TYW1B: variants seen among roughly 807,000 people sequenced by gnomAD.
The protein encoded by TYW1B is tRNA-yW synthesizing protein 1 homolog B, also known as S-adenosyl-L-methionine-dependent tRNA 4-demethylwyosine synthase TYW1B.
TYW1B carries 73 observed loss-of-function variants against 86.9 expected under a neutral mutation model. That is an observed-to-expected ratio of 0.84 (90% confidence interval 0.70 to 1.02). The LOEUF (loss-of-function observed/expected upper bound fraction) is 1.02, where lower values mean the gene tolerates loss of function less well. Ranked by LOEUF, TYW1B falls within the 50% of genes least tolerant of loss-of-function variation. TYW1B has a pLI of 0.00. For missense variants in TYW1B, 637 were observed against 827.4 expected, an observed-to-expected ratio of 0.77 and a Z score of 2.82; for synonymous variants, 248 against 292.8, an observed-to-expected ratio of 0.85 and a Z score of 1.56.
rs782485661 is a variant in TYW1B, at chr7:72,575,607, A to G, written c.1898T>C (p.Met633Thr). 6.2e-6 allele frequency: 10 copies of G among 1,613,776 alleles called. No homozygotes were observed. The highest frequency in any genetic ancestry group is 8.5e-6 in the Non-Finnish European group (10 of 1,179,858). ...GSKTFSAKDY[M>T]ARTPHWALFG... Reference sequence around the variant, plus strand: ...TAATGCCCAGTGAGGAGTTCTGGCCATATAATCCTTTGCGCTGAACGTTTT... The same window carrying G: ...TAATGCCCAGTGAGGAGTTCTGGCCGTATAATCCTTTGCGCTGAACGTTTT... Residue 633 changes from methionine (M) to threonine (T), a missense_variant, in exon 14 of 14, where the codon ATG becomes ACG. Physicochemically the swap from Met to Thr is moderately conservative, Grantham distance 81. Coordinates refer to ENST00000620995, the MANE Select transcript of TYW1B (RefSeq NM_001145440.3).
intron 9 of TYW1B, among the ~76,000 whole-genome samples, chr7:72,718,754 C>T (rs1159035582): frequency 6.6e-6 from 1 of 152,140 alleles, no homozygotes; most frequent in Non-Finnish European, 1.5e-5. Flanking sequence ...ATAACATTTG[C>T]TTTTCAAAAA....
At chr7:72,806,020 G>A (rs549848596) in intron 5 of TYW1B, among the ~76,000 whole-genome samples, 5 of 152,134 alleles carry the variant, frequency 3.3e-5, no homozygotes, top group African/African-American at 9.6e-5. Context: ...GGGAAAAAGC[G>A]GAATCTAGGA....
At chr7:72,772,507 A>AG (rs1787885581) in intron 7 of TYW1B, among the ~76,000 whole-genome samples, 2 of 152,208 alleles carry the variant, frequency 1.3e-5, no homozygotes, top group African/African-American at 4.8e-5. Flanking sequence ...GAAAAATCCA[A>AG]TTCTAGGAAC....
At chr7:72,665,656 G>A (rs1479438716) in intron 11 of TYW1B, among the ~76,000 whole-genome samples, 2 of 152,182 alleles carry the variant, frequency 1.3e-5, no homozygotes, top group African/African-American at 4.8e-5. Context: ...GTTGCGCTTT[G>A]TTTACACTTT....
Position 72,574,980 on chromosome 7 carries a change from T to C in TYW1B, c.*518A>G. The C allele has an allele frequency of 1.0e-6, 1 of 988,166 alleles. No individual in the cohort carries two copies. Among genetic ancestry groups the C allele is most frequent in the Non-Finnish European group, 1.2e-6 (1 of 831,662 alleles). 61.2% of individuals were successfully genotyped at this position (988,166 alleles called of 1,614,324 possible). ...GTATTTAAAAAATAATTGAGAGTTG[T>C]GACAACTTCGATTCTTTTCAGGAGG... On this transcript the variant is annotated 3_prime_UTR_variant, in exon 14 of 14. Coordinates refer to ENST00000620995, the MANE Select transcript of TYW1B (RefSeq NM_001145440.3).
At chr7:72,647,975 A>G (rs1585874210) in intron 11 of TYW1B, among the ~76,000 whole-genome samples, 2 of 152,210 alleles carry the variant, frequency 1.3e-5, no homozygotes, top group East Asian at 3.9e-4. Context: ...CCTTAGCTAC[A>G]ACACCTGGCT....
At chr7:72,642,576 T>C (rs2129569047) in intron 11 of TYW1B, among the ~76,000 whole-genome samples, 1 of 152,266 alleles carries the variant, frequency 6.6e-6, no homozygotes, top group East Asian at 1.9e-4. Flanking sequence ...ATATAGTACA[T>C]ATCCATCCAA....
At chr7:72,813,524 G>A (rs1212045665) in intron 3 of TYW1B, among the ~76,000 whole-genome samples, 1 of 152,176 alleles carries the variant, frequency 6.6e-6, no homozygotes, top group Non-Finnish European at 1.5e-5. Context: ...CAGGAGCATT[G>A]TTTAAGCTCT....
At chr7:72,704,699 G>A (rs1814571802) in intron 10 of TYW1B, among the ~76,000 whole-genome samples, 1 of 151,942 alleles carries the variant, frequency 6.6e-6, no homozygotes, top group Non-Finnish European at 1.5e-5. Flanking sequence ...CGTGTTTCAT[G>A]TCTTATCTCA....
At chr7:72,579,497 G>A (rs1274742942) in intron 13 of TYW1B, among the ~76,000 whole-genome samples, 1 of 152,196 alleles carries the variant, frequency 6.6e-6, no homozygotes, top group African/African-American at 2.4e-5. Context: ...CAGTTCTGGA[G>A]GCTGGAATTC....
chr7:72,701,815 A>C (rs1814483139), intron 10 of TYW1B, among the ~76,000 whole-genome samples: 1 of 152,142 alleles, frequency 6.6e-6, no homozygotes, highest in South Asian at 2.1e-4. Flanking sequence ...AGATATCCTT[A>C]AATGCTTCCA....
At chr7:72,715,923 T>G (rs1230066976) in intron 9 of TYW1B, among the ~76,000 whole-genome samples, 4 of 151,892 alleles carry the variant, frequency 2.6e-5, no homozygotes, top group African/African-American at 4.8e-5. Context: ...GACATCTTTG[T>G]TTTGTTTGTT....
In TYW1B at chr7:72,667,101, G is replaced by A. The variant is rs1410271178; in HGVS notation, c.1506+27586C>T. 2.0e-5 allele frequency among the ~76,000 whole-genome samples: 3 copies of A among 149,790 alleles called. No homozygotes were observed. The Admixed American group carries it at 2.0e-4, about 10-fold the overall frequency. ...CATATGTACAATAACCATTGTATTG[G>A]TCTGTAAAATATGTAGAAGACTGCT... On this transcript the variant is annotated intron_variant, in intron 11 of 13. Transcript: ENST00000620995.
intron 13 of TYW1B, among the ~76,000 whole-genome samples, chr7:72,603,060 A>G (rs3110830): frequency 0.032 from 4,028 of 125,820 alleles, no homozygotes; most frequent in South Asian, 0.052. Flanking sequence ...CAGACAGGCA[A>G]GCAGGCAGAC....
intron 8 of TYW1B, among the ~76,000 whole-genome samples, chr7:72,739,640 C>A (rs1554461717): frequency 7.0e-6 from 1 of 143,880 alleles, no homozygotes; most frequent in Non-Finnish European, 1.5e-5. Flanking sequence ...GAGGGGTTAA[C>A]AAAGGTCTCA....
intron 11 of TYW1B, among the ~76,000 whole-genome samples, chr7:72,650,966 A>C (rs1241033759): frequency 1.3e-5 from 2 of 152,222 alleles, no homozygotes; most frequent in African/African-American, 4.8e-5. Flanking sequence ...ATGTGTGTGA[A>C]AACAAAAAAC....
At chr7:72,747,913 T>C (rs1554464122) in intron 7 of TYW1B, among the ~76,000 whole-genome samples, 1 of 152,190 alleles carries the variant, frequency 6.6e-6, no homozygotes, top group African/African-American at 2.4e-5. Flanking sequence ...TCGAAGCATA[T>C]TACTTTCGTT....
At chr7:72,687,200 G>A (rs1347311093) in intron 11 of TYW1B, among the ~76,000 whole-genome samples, 1 of 152,022 alleles carries the variant, frequency 6.6e-6, no homozygotes, top group African/African-American at 2.4e-5. Context: ...CTTTGGGAGG[G>A]TAAGATGGGT....
At chr7:72,765,542 T>C (rs1485251996) in intron 7 of TYW1B, among the ~76,000 whole-genome samples, 1 of 152,180 alleles carries the variant, frequency 6.6e-6, no homozygotes, top group Non-Finnish European at 1.5e-5. Flanking sequence ...CATGATTCAC[T>C]GCAACCTCTA....
Sources: allele counts gnomAD v4.1 joint callset (sites outside exome capture counted in the v4.1 genomes callset), GRCh38; gene constraint gnomAD v4.1.1; transcripts MANE v1.5; gene names NCBI Gene and HGNC (gene_info 2026-07-23, HGNC 2026-07-21).